Variants in FREM2 observed in about 807,000 individuals in gnomAD.
The protein encoded by FREM2 is FRAS1 related extracellular matrix 2.
In FREM2, 119 loss-of-function variants were observed where a neutral mutation model predicts 219.9. The ratio of observed to expected loss-of-function variants is 0.54; its 90% CI spans 0.47 to 0.63. The LOEUF (loss-of-function observed/expected upper bound fraction) is 0.63. Ranked by LOEUF, FREM2 falls within the 30% of genes least tolerant of loss-of-function variation. FREM2 has a pLI of 0.00. For synonymous variants in FREM2, 1,562 were observed against 1,522.8 expected, an observed-to-expected ratio of 1.03 and a Z score of -0.60; for missense variants, 4,030 against 3,993.6, an observed-to-expected ratio of 1.01 and a Z score of -0.25.
At chr13:38,858,097 A>C in intron 13 of FREM2, 64 bp downstream of exon 13, 1 of 1,344,836 alleles carries the variant, frequency 7.4e-7, no homozygotes, top group Admixed American at 1.7e-5. Flanking sequence ...AATTATAATC[A>C]ATATAGCATT....
chr13:38,751,197 T>G, intron 2 of FREM2, among the ~76,000 whole-genome samples: 1 of 151,836 alleles, frequency 6.6e-6, no homozygotes, highest in South Asian at 2.1e-4. Context: ...CAGTTCTTTT[T>G]TTTTTTTTTT....
chr13:38,855,105 A>G (rs1178469091), intron 11 of FREM2, among the ~76,000 whole-genome samples: 1 of 151,720 alleles, frequency 6.6e-6, no homozygotes, highest in African/African-American at 2.4e-5. Context: ...TTTTTTAGCA[A>G]TTTTGAAATG....
At chr13:38,766,296 A>T (rs1316523449) in intron 3 of FREM2, among the ~76,000 whole-genome samples, 2 of 151,992 alleles carry the variant, frequency 1.3e-5, no homozygotes, top group Admixed American at 6.6e-5. Flanking sequence ...TCAATGCACT[A>T]TTATTTTCTA....
intron 4 of FREM2, among the ~76,000 whole-genome samples, chr13:38,776,149 T>C (rs1424447034): frequency 1.3e-5 from 2 of 152,200 alleles, no homozygotes; most frequent in Non-Finnish European, 2.9e-5. Context: ...CAAGTTCAAA[T>C]AGATAAATGA....
chr13:38,733,798 A>G (rs536870575), intron 2 of FREM2, among the ~76,000 whole-genome samples: 2 of 152,170 alleles, frequency 1.3e-5, no homozygotes, highest in Admixed American at 1.3e-4. Context: ...ATGAGCCTCC[A>G]CATCCAACCT....
chr13:38,807,374 A>G (rs1358520580), intron 6 of FREM2, among the ~76,000 whole-genome samples: 2 of 150,460 alleles, frequency 1.3e-5, no homozygotes, highest in Admixed American at 1.3e-4. Flanking sequence ...GGCATGAGCC[A>G]CCACACCCAG....
At position 38,688,236 on chromosome 13, in the gene FREM2, T is replaced by A. The variant is rs756672907; in HGVS notation, c.892T>A (p.Leu298Met). The A allele has an allele frequency of 6.2e-7, 1 of 1,613,804 alleles. No homozygotes were observed. The highest frequency in any genetic ancestry group is 1.1e-5 in the South Asian group (1 of 91,080). Residue 298 changes from leucine (L) to methionine (M), a missense_variant, in exon 1 of 24, where the codon TTG becomes ATG. Physicochemically the swap from Leu to Met is conservative, Grantham distance 15. Transcript: ENST00000280481. ...AGGGGCTCCTGTGGGCAGCCCTGCT[T>A]TGAAACGCGAGCACTTCCAGGTTCT... is the stretch of plus-strand genomic sequence containing the variant. ...SRGAPVGSPALKREHFQVLVR... is the reference protein window; with the variant it reads ...SRGAPVGSPAMKREHFQVLVR...
At chr13:38,827,958 A>G (rs1876358597) in intron 6 of FREM2, among the ~76,000 whole-genome samples, 1 of 152,186 alleles carries the variant, frequency 6.6e-6, no homozygotes, top group Non-Finnish European at 1.5e-5. Context: ...ATCTTTGTTT[A>G]GTAATAATAT....
chr13:38,859,438 A>G lies in FREM2; in HGVS notation c.7367A>G (p.Asp2456Gly). The G allele has an allele frequency of 6.2e-7, 1 of 1,614,054 alleles. No homozygotes were observed. The highest frequency in any genetic ancestry group is 1.1e-5 in the South Asian group (1 of 91,074). The stretch of plus-strand genomic sequence containing the variant: ...AGCCCTATGAGAGAAGTGGACTTCG[A>G]CACCTTTTTTACGTCATCCAAGATG... The part of the protein sequence containing the change: ...VTSPMREVDF[D>G]TFFTSSKMVT... The change falls in exon 14 of 24, where the codon GAC (aspartate) becomes GGC (glycine). Residue 2456 changes from aspartate to glycine, a missense_variant. Asp to Gly is a moderately conservative substitution (Grantham distance 94). Around this residue, in one of 2 missense-constraint regions of FREM2, gnomAD observed 928 missense variants for 1,042.9 expected, o/e 0.89. Transcript: ENST00000280481.
At position 38,692,030 on chromosome 13, in the gene FREM2, T is replaced by C. The variant is rs17058435; in HGVS notation, c.4686T>C (p.Asp1562=). 1.4e-3 allele frequency: 2,201 copies of C among 1,614,226 alleles called. 26 individuals are homozygous for C. The East Asian group carries it at 0.023, about 17-fold the overall frequency. ...TTGAGCTCACTGTCGAAGACAGAGA[T>C]ACTCCTGACAAGCTCCTGAAATTCA... The part of the protein sequence containing the change: ...TPFELTVEDR[D]TPDKLLKFTI... Residue 1562 remains aspartate, a synonymous_variant, in exon 1 of 24, where the codon GAT becomes GAC. Coordinates refer to ENST00000280481, the MANE Select transcript of FREM2 (RefSeq NM_207361.6).
chr13:38,801,338 T>C (rs1355315641), intron 6 of FREM2, among the ~76,000 whole-genome samples: 1 of 152,222 alleles, frequency 6.6e-6, no homozygotes, highest in Non-Finnish European at 1.5e-5. Flanking sequence ...ATTTTGTGAA[T>C]TTCCTTTTGA....
At chr13:38,734,854 C>A (rs1871921131) in intron 2 of FREM2, among the ~76,000 whole-genome samples, 1 of 144,526 alleles carries the variant, frequency 6.9e-6, no homozygotes, top group Non-Finnish European at 1.5e-5. Flanking sequence ...TTAACCGATT[C>A]TCCTGCCTCA....
chr13:38,729,339 A>G (rs1450109455), intron 2 of FREM2, among the ~76,000 whole-genome samples: 1 of 152,192 alleles, frequency 6.6e-6, no homozygotes, highest in East Asian at 1.9e-4. Context: ...TATTTATGAG[A>G]TAACACAATA....
rs984081013 is a variant in FREM2, at chr13:38,769,749, T to C, written c.5582T>C (p.Val1861Ala). The change falls in exon 4 of 24, where the codon GTG (valine) becomes GCG (alanine). Residue 1861 changes from valine (V) to alanine (A), a missense_variant. This residue lies in a region of FREM2 where 3,102 missense variants were observed against 2,950.7 expected (regional missense o/e 1.05). Coordinates refer to ENST00000280481, the MANE Select transcript of FREM2 (RefSeq NM_207361.6). ...TTTCAGGTGGTACTCTCAGAGCCCGTGCTGGCTGCCTTGGAATTCCCCACA... is the reference window on the plus strand; with the variant it reads ...TTTCAGGTGGTACTCTCAGAGCCCGCGCTGGCTGCCTTGGAATTCCCCACA... ...ETFQVVLSEP[V>A]LAALEFPTVA... is the part of the protein sequence containing the mutation. The C allele has an allele frequency of 6.2e-7, 1 of 1,614,058 alleles. No homozygotes were observed. The highest frequency in any genetic ancestry group is 8.5e-7 in the Non-Finnish European group (1 of 1,180,008).
chr13:38,859,219 G>T, intron 13 of FREM2, 68 bp from the exon 14 acceptor site: 1 of 1,501,576 alleles, frequency 6.7e-7, no homozygotes, highest in Non-Finnish European at 9.2e-7. Flanking sequence ...CGATGGCAGA[G>T]AACGGGAGAA....
chr13:38,729,766 A>G (rs1871688888), intron 2 of FREM2, among the ~76,000 whole-genome samples: 1 of 152,236 alleles, frequency 6.6e-6, no homozygotes, highest in African/African-American at 2.4e-5. Flanking sequence ...TGTAGTAAAT[A>G]TGTCCTTTTC....
chr13:38,729,923 A>C (rs1238706207), intron 2 of FREM2, among the ~76,000 whole-genome samples: 2 of 152,260 alleles, frequency 1.3e-5, no homozygotes, highest in Non-Finnish European at 1.5e-5. Context: ...TTTTTAAAAA[A>C]TAAGACAGAA....
At chr13:38,782,921 C>T in intron 4 of FREM2, 149 bp from the exon 5 acceptor site, 1 of 972,466 alleles carries the variant, frequency 1.0e-6, no homozygotes, top group Admixed American at 1.8e-5. Flanking sequence ...CTTTTCCCCT[C>T]TCCTTCCTCC....
intron 14 of FREM2, 65 bp from the exon 15 acceptor site, chr13:38,861,366 A>C (rs949598983): frequency 2.5e-5 from 38 of 1,545,032 alleles, no homozygotes; most frequent in Non-Finnish European, 3.4e-5. Context: ...CTATTTTCTA[A>C]AACATTCTTT....
Sources: gnomAD v4.1 joint callset for allele counts (sites outside exome capture counted in the v4.1 genomes callset) on GRCh38, gnomAD v4.1.1 for gene constraint, gnomAD v4.1.1 regional missense constraint, MANE v1.5 for transcripts, NCBI Gene and HGNC (gene_info 2026-07-23, HGNC 2026-07-21) for gene names.